Variants in TET2 observed in about 807,000 individuals in gnomAD.
TET2 encodes the protein methylcytosine dioxygenase TET2.
In TET2, 299 loss-of-function variants were observed where a neutral mutation model predicts 142.9. That is an observed-to-expected ratio of 2.09 (90% CI 1.90 to 2.30). The LOEUF is 2.30. Ranked by LOEUF, TET2 falls within the 30% of genes most tolerant of loss-of-function variation. The pLI is 0.00. For synonymous variants in TET2, 819 were observed against 849.0 expected, an observed-to-expected ratio of 0.96 and a Z score of 0.61; for missense variants, 2,418 against 2,378.0, an observed-to-expected ratio of 1.02 and a Z score of -0.35.
chr4:105,240,689 C>A, intron 3 of TET2: 6 of 1,080,414 alleles, frequency 5.6e-6, no homozygotes, highest in Non-Finnish European at 6.8e-6. Flanking sequence ...CTTCTCTTAT[C>A]ACCCACCCCT....
Position 105,268,839 on chromosome 4 carries a change from G to A in TET2, c.4045-771G>A, listed in dbSNP as rs145312451. ...ATACAAAAAATTACTGGGGCATGGTGGCGCGTGCTTATAGTCCCAGCTGCT... is the reference window on the plus strand; with the variant it reads ...ATACAAAAAATTACTGGGGCATGGTAGCGCGTGCTTATAGTCCCAGCTGCT... On this transcript the variant is annotated intron_variant, in intron 8 of 10. Transcript: ENST00000380013. Among the ~76,000 whole-genome samples the A allele has an allele frequency of 4.3e-4, 66 of 152,248 alleles. 1 individual carries two copies. Among genetic ancestry groups the A allele is most frequent in the African/African-American group, 1.5e-3 (64 of 41,544 alleles).
At chr4:105,200,073 T>C (rs2110508810) in intron 2 of TET2, among the ~76,000 whole-genome samples, 1 of 152,322 alleles carries the variant, frequency 6.6e-6, no homozygotes, top group Non-Finnish European at 1.5e-5. Context: ...GTGGGGTTGC[T>C]GGGTTGAATA....
chr4:105,237,660 A>G (rs1729037378), intron 3 of TET2: 6 of 1,396,418 alleles, frequency 4.3e-6, no homozygotes, highest in Admixed American at 6.3e-5. Flanking sequence ...AGCTCTTTGT[A>G]TATTATCTCC....
intron 2 of TET2, among the ~76,000 whole-genome samples, chr4:105,208,297 A>C (rs1443796926): frequency 1.3e-5 from 2 of 152,052 alleles, no homozygotes; most frequent in African/African-American, 2.4e-5. Flanking sequence ...TGTGCTTTTA[A>C]GGCCCCATTC....
At chr4:105,185,705 G>C (rs374606781) in intron 1 of TET2, among the ~76,000 whole-genome samples, 4 of 152,168 alleles carry the variant, frequency 2.6e-5, no homozygotes, top group African/African-American at 4.8e-5. Context: ...CGTGAACCGG[G>C]GAGGCGGAGC....
chr4:105,255,636 GC>G (rs1435275744), intron 6 of TET2, among the ~76,000 whole-genome samples: 16 of 151,786 alleles, frequency 1.1e-4, no homozygotes, highest in African/African-American at 3.9e-4. Flanking sequence ...GTATTTTGGT[GC>G]TCTGTTGCTT....
intron 3 of TET2, chr4:105,240,393 G>C: frequency 9.3e-7 from 1 of 1,071,226 alleles, no homozygotes; most frequent in Non-Finnish European, 1.1e-6. Context: ...AAATATTTTT[G>C]CTGATGGATG....
chr4:105,255,785 A>C (rs972612855), intron 6 of TET2, among the ~76,000 whole-genome samples: 23 of 152,036 alleles, frequency 1.5e-4, no homozygotes, highest in Admixed American at 1.2e-3. Flanking sequence ...TTAATTTTTC[A>C]ATTTATATAC....
intron 2 of TET2, among the ~76,000 whole-genome samples, chr4:105,224,945 G>A (rs1435240617): frequency 2.0e-5 from 3 of 151,950 alleles, no homozygotes; most frequent in Non-Finnish European, 4.4e-5. Flanking sequence ...TGGAATAAAA[G>A]GATAGACATA....
Position 105,239,069 on chromosome 4 carries a change from TTTTTG to T in TET2, c.3409+1723_3409+1727del, listed in dbSNP as rs1314469039. 1.3e-3 allele frequency: 187 copies of T among 148,484 alleles called. No homozygotes were observed. The African/African-American group carries it at 0.016, about 12-fold the overall frequency. 9.2% of individuals were successfully genotyped at this position (148,484 alleles called of 1,614,324 possible). A position where few individuals can be genotyped will look rare whatever the true frequency, so the allele number is the denominator to read the frequency against. Reference sequence around the variant, plus strand: ...TTTTGAAAGGAGGTTTTGGTTTTGTTTTTTGTTTTTTTTTTTTGTTTTTTAGCAGT... The same window carrying T: ...TTTTGAAAGGAGGTTTTGGTTTTGTTTTTTTTTTTTTTGTTTTTTAGCAGT... On this transcript the variant is annotated intron_variant, in intron 3 of 10. Coordinates refer to ENST00000380013, the MANE Select transcript of TET2 (RefSeq NM_001127208.3).
chr4:105,263,416 T>C (rs1438372849), intron 8 of TET2, among the ~76,000 whole-genome samples: 1 of 152,160 alleles, frequency 6.6e-6, no homozygotes, highest in East Asian at 1.9e-4. Context: ...CCTAAAGAAA[T>C]GGCAGGAATT....
At chr4:105,221,098 CAA>C (rs1224205860) in intron 2 of TET2, among the ~76,000 whole-genome samples, 2 of 151,966 alleles carry the variant, frequency 1.3e-5, no homozygotes, top group East Asian at 1.9e-4. Flanking sequence ...TTATGAGAAA[CAA>C]ATATTTGTGA....
intron 1 of TET2, among the ~76,000 whole-genome samples, chr4:105,185,870 A>G (rs1277364468): frequency 6.6e-6 from 1 of 152,208 alleles, no homozygotes; most frequent in Non-Finnish European, 1.5e-5. Flanking sequence ...AAATATGTTT[A>G]GGAATGATAT....
At position 105,275,176 on chromosome 4, in the gene TET2, T is replaced by G. The variant is rs2110312138; in HGVS notation, c.4666T>G (p.Ser1556Ala). The change falls in exon 11 of 11, where the codon TCT becomes GCT. Residue 1556 changes from serine (S) to alanine (A), a missense_variant. Coordinates refer to ENST00000380013, the MANE Select transcript of TET2 (RefSeq NM_001127208.3). ...GCAGCCACATCACCCTCAGACAGAGTCTGTCAACTCTTATTCTGCTTCTGG... is the reference window on the plus strand; with the variant it reads ...GCAGCCACATCACCCTCAGACAGAGGCTGTCAACTCTTATTCTGCTTCTGG... ...QQQPHHPQTE[S>A]VNSYSASGST... 6.4e-7 allele frequency: 1 copy of G among 1,551,754 alleles called. No individual in the cohort carries two copies. The highest frequency in any genetic ancestry group is 8.7e-7 in the Non-Finnish European group (1 of 1,146,990).
intron 6 of TET2, among the ~76,000 whole-genome samples, chr4:105,257,188 C>G (rs919543855): frequency 6.6e-6 from 1 of 152,098 alleles, no homozygotes; most frequent in African/African-American, 2.4e-5. Context: ...AATCCCAGCA[C>G]GTTGAGAGGC....
intron 6 of TET2, among the ~76,000 whole-genome samples, chr4:105,253,418 G>C (rs191847810): frequency 9.2e-5 from 14 of 152,062 alleles, no homozygotes; most frequent in Admixed American, 8.5e-4. Flanking sequence ...TTCATTTGGG[G>C]GGGTGCTAAT....
chr4:105,269,544 T>G, intron 8 of TET2, 66 bp from the exon 9 acceptor site: 1 of 1,511,872 alleles, frequency 6.6e-7, no homozygotes, highest in Non-Finnish European at 9.0e-7. Context: ...GTCTAAATAC[T>G]AGTGAGTTTT....
intron 6 of TET2, among the ~76,000 whole-genome samples, chr4:105,258,644 CAG>C (rs1464782390): frequency 6.6e-6 from 1 of 152,092 alleles, no homozygotes; most frequent in South Asian, 2.1e-4. Flanking sequence ...TCATAGTTGA[CAG>C]AGTATTATTA....
intron 2 of TET2, among the ~76,000 whole-genome samples, chr4:105,198,673 C>T (rs1027860971): frequency 2.0e-5 from 3 of 152,028 alleles, no homozygotes; most frequent in Admixed American, 1.3e-4. Context: ...AAAAATATGC[C>T]TTGTAGGCTG....
Sources: allele counts gnomAD v4.1 joint callset (sites outside exome capture counted in the v4.1 genomes callset), GRCh38; gene constraint gnomAD v4.1.1; transcripts MANE v1.5; gene names NCBI Gene and HGNC (gene_info 2026-07-23, HGNC 2026-07-21).